The following PRAME variants were observed in gnomAD, a reference collection of about 807,000 sequenced individuals.
The protein encoded by PRAME is PRAME nuclear receptor transcriptional regulator.
A neutral mutation model predicts 32.1 loss-of-function variants in PRAME; 21 were observed. That is an observed-to-expected ratio of 0.65 (90% CI 0.46 to 0.94). PRAME has a LOEUF of 0.94. Ranked by LOEUF, PRAME falls within the 40% of genes least tolerant of loss-of-function variation. The pLI is 0.00. For missense variants in PRAME, 651 were observed against 622.3 expected (o/e 1.05, Z -0.49); for synonymous variants, 274 against 251.5 (o/e 1.09, Z -0.85).
At chr22:22,552,821 TG>T in intron 3 of PRAME, 1 of 470,648 alleles carries the variant, frequency 2.1e-6, no homozygotes, top group South Asian at 1.5e-5. Flanking sequence ...GACCCAGCTG[TG>T]GTGCAGAAGC....
intron 3 of PRAME, chr22:22,553,900 C>T (rs1444399401): frequency 1.0e-6 from 1 of 985,062 alleles, no homozygotes; most frequent in African/African-American, 1.7e-5. Context: ...GCCTTTACCA[C>T]AAACATAATC....
Position 22,556,838 on chromosome 22 carries a change from A to G in PRAME, c.-6T>C, listed in dbSNP as rs766490297. On this transcript the variant is annotated 5_prime_UTR_variant, in exon 3 of 6. Coordinates refer to ENST00000405655, the MANE Select transcript of PRAME (RefSeq NM_206956.3). ...CACAAACGCCTTCGTTCCATTTTGA[A>G]GCGACTTAGGCTGGCCTCAGGACCT... The G allele has an allele frequency of 1.2e-6, 2 of 1,612,848 alleles. No individual in the cohort carries two copies. The highest frequency in any genetic ancestry group is 3.3e-5 in the Admixed American group (2 of 59,990).
rs767164139 is a variant in PRAME, at chr22:22,550,277, A to G, written c.402T>C (p.Thr134=). 1.2e-6 allele frequency: 2 copies of G among 1,613,676 alleles called. No homozygotes were observed. The highest frequency in any genetic ancestry group is 2.2e-5 in the East Asian group (1 of 44,776). The change falls in exon 5 of 6, where the codon ACT becomes ACC. Residue 134 remains threonine (T), a synonymous_variant. Transcript: ENST00000405655. ...LRKNSHQDFW[T]VWSGNRASLY... ...GACTGGCCCTGTTTCCAGACCATAC[A>G]GTCCAGAAGTCCTGATGAGAGTTCT...
rs974794030 is a variant in PRAME, at chr22:22,548,268, G to T, written c.1329C>A (p.Val443=). The T allele has an allele frequency of 1.9e-6, 3 of 1,613,846 alleles. No individual in the cohort carries two copies. The highest frequency in any genetic ancestry group is 4.5e-5 in the East Asian group (2 of 44,786). The change falls in exon 6 of 6, where the codon GTC becomes GTA. Residue 443 remains valine (V), a synonymous_variant. Coordinates refer to ENST00000405655, the MANE Select transcript of PRAME (RefSeq NM_206956.3). ...GGATGTCCTCATAACTCTCCAGGGG[G>T]ACAGGATACAGCACGTGGGTCAGAT... ...LSNLTHVLYP[V]PLESYEDIHG... is the part of the protein sequence containing the mutation.
intron 2 of PRAME, 78 bp from the exon 3 acceptor site, chr22:22,556,987 C>T (rs2062966839): frequency 2.2e-6 from 2 of 929,140 alleles, no homozygotes; most frequent in Non-Finnish European, 1.7e-6. Context: ...CCTGTGAAAA[C>T]CTCCGCAAAT....
At chr22:22,554,589 C>CGAAT (rs745330721) in intron 3 of PRAME, among the ~76,000 whole-genome samples, 2 of 151,936 alleles carry the variant, frequency 1.3e-5, no homozygotes, top group Non-Finnish European at 2.9e-5. Flanking sequence ...AGCTCTCATT[C>CGAAT]ATTACCTCAA....
intron 3 of PRAME, among the ~76,000 whole-genome samples, chr22:22,554,725 G>A (rs2062800296): frequency 6.6e-6 from 1 of 151,928 alleles, no homozygotes; most frequent in South Asian, 2.1e-4. Flanking sequence ...CTTATGTGAG[G>A]AGTTTAGAAA....
chr22:22,550,413 G>A, intron 4 of PRAME, 79 bp from the exon 5 acceptor site: 1 of 1,513,882 alleles, frequency 6.6e-7, no homozygotes, highest in East Asian at 2.3e-5. Context: ...TCATAATGTA[G>A]GTAAGAACCA....
intron 3 of PRAME, among the ~76,000 whole-genome samples, chr22:22,555,561 G>T (rs554842143): frequency 1.3e-5 from 2 of 151,672 alleles, no homozygotes; most frequent in African/African-American, 2.4e-5. Flanking sequence ...TAGAGACAGG[G>T]TCTTACTATG....
Position 22,556,913 on chromosome 22 carries a change from A to G in PRAME, c.-77-4T>C. 2.0e-6 allele frequency: 3 copies of G among 1,531,490 alleles called. No homozygotes were observed. The South Asian group carries it at 3.4e-5, about 17-fold the overall frequency. 94.9% of individuals were successfully genotyped at this position (1,531,490 alleles called of 1,614,324 possible). On this transcript the variant is annotated splice_region_variant and splice_polypyrimidine_tract_variant and intron_variant, in intron 2 of 5. Transcript: ENST00000405655. ...AGTCACTTGTTGCCACGCACGTCTGAGAGTAATAATCAAAATGCTCCAAAA... is the reference window on the plus strand; with the variant it reads ...AGTCACTTGTTGCCACGCACGTCTGGGAGTAATAATCAAAATGCTCCAAAA...
intron 5 of PRAME, among the ~76,000 whole-genome samples, chr22:22,549,456 C>T (rs1251212689): frequency 2.0e-5 from 3 of 151,834 alleles, no homozygotes; most frequent in Non-Finnish European, 2.9e-5. Flanking sequence ...TGCCTAAAGC[C>T]ACCCTTGCCA....
rs1461974234 is a variant in PRAME, at chr22:22,548,443, A to G, written c.1154T>C (p.Phe385Ser). Reference sequence around the variant, plus strand: ...ATCATCCGTGATCCCACACTCATCAAAGACCAGGTCCTGGAGGGTGGCAGA... The same window carrying G: ...ATCATCCGTGATCCCACACTCATCAGAGACCAGGTCCTGGAGGGTGGCAGA... ...RASATLQDLV[F>S]DECGITDDQL... The change falls in exon 6 of 6, where the codon TTT becomes TCT. Residue 385 changes from phenylalanine to serine, a missense_variant. Phe to Ser is a radical substitution (Grantham distance 155). Transcript: ENST00000405655. 1.2e-6 allele frequency: 2 copies of G among 1,613,544 alleles called. No individual in the cohort carries two copies.
At position 22,548,708 on chromosome 22, in the gene PRAME, G is replaced by T. The variant is rs552056269; in HGVS notation, c.954-65C>A. On this transcript the variant is annotated intron_variant, in intron 5 of 5. Coordinates refer to ENST00000405655, the MANE Select transcript of PRAME (RefSeq NM_206956.3). ...TAGTGGGGTGGGGAGACTGGAGAGA[G>T]GCCCATTTCACCAAAACCCAAAGTC... 1.4e-4 allele frequency: 194 copies of T among 1,404,518 alleles called. No individual in the cohort carries two copies. In the African/African-American group the frequency reaches 2.3e-3, roughly 17 times the overall value. The allele number at this position is 1,404,518 out of a possible 1,614,324, so 87.0% of individuals were successfully genotyped here. A position where few individuals can be genotyped will look rare whatever the true frequency, so the allele number is the denominator to read the frequency against.
In PRAME at chr22:22,554,288, G is replaced by C. The variant is rs193011625; in HGVS notation, c.21+2524C>G. On this transcript the variant is annotated intron_variant, in intron 3 of 5. Coordinates refer to ENST00000405655, the MANE Select transcript of PRAME (RefSeq NM_206956.3). Reference sequence around the variant, plus strand: ...TATTCTACTGGCAAGTGTCCAGCTGGAATGTCTTGCGGCCTGACTTTGTTT... The same window carrying C: ...TATTCTACTGGCAAGTGTCCAGCTGCAATGTCTTGCGGCCTGACTTTGTTT... 2.5e-4 allele frequency: 244 copies of C among 975,746 alleles called. 1 individual carries two copies. The highest frequency in any genetic ancestry group is 2.7e-4 in the Non-Finnish European group (223 of 821,480). The allele number at this position is 975,746 out of a possible 1,614,324, so 60.4% of individuals were successfully genotyped here. A position where few individuals can be genotyped will look rare whatever the true frequency, so the allele number is the denominator to read the frequency against.
intron 3 of PRAME, chr22:22,554,095 G>T: frequency 1.1e-6 from 1 of 918,834 alleles, no homozygotes; most frequent in African/African-American, 2.9e-5. Context: ...TACATTTTCC[G>T]TCACAAAAAA....
rs1466812181 is a variant in PRAME at position 22,548,228 on chromosome 22, G to A, written c.1369C>T (p.Leu457=). ...GCATGCAGATAGGCAAGCCTCTCCA[G>A]GTGGAGGGTACCATGGATGTCCTCA... ...SYEDIHGTLH[L]ERLAYLHARL... The change falls in exon 6 of 6, where the codon CTG becomes TTG. Residue 457 remains leucine (L), a synonymous_variant. Coordinates refer to ENST00000405655, the MANE Select transcript of PRAME (RefSeq NM_206956.3). 1.2e-6 allele frequency: 2 copies of A among 1,613,728 alleles called. No individual in the cohort carries two copies. Among genetic ancestry groups the A allele is most frequent in the Non-Finnish European group, 1.7e-6 (2 of 1,179,974 alleles).
At chr22:22,553,104 T>C (rs563647568) in intron 3 of PRAME, among the ~76,000 whole-genome samples, 1 of 152,104 alleles carries the variant, frequency 6.6e-6, no homozygotes, top group Non-Finnish European at 1.5e-5. Context: ...CCAGAGAGTA[T>C]AACTGTTAGG....
At chr22:22,554,633 A>G (rs1192556932) in intron 3 of PRAME, among the ~76,000 whole-genome samples, 2 of 151,850 alleles carry the variant, frequency 1.3e-5, no homozygotes, top group South Asian at 2.1e-4. Context: ...GTTCACTGTC[A>G]TTTTCATTTT....
In PRAME at chr22:22,553,474, T is replaced by C. The variant is rs77657019; in HGVS notation, c.22-2385A>G. Among the ~76,000 whole-genome samples the C allele has an allele frequency of 4.4e-3, 668 of 151,968 alleles. 7 individuals are homozygous for C. Among genetic ancestry groups the C allele is most frequent in the African/African-American group, 0.015 (606 of 41,466 alleles). On this transcript the variant is annotated intron_variant, in intron 3 of 5. Transcript: ENST00000405655. ...GGGGCGGAATTGAAAGACTTTGGCC[T>C]GGATGGAGTAGAGAAATTAAAAAGG... is the stretch of plus-strand genomic sequence containing the variant.
Sources: gnomAD v4.1 joint callset for allele counts (sites outside exome capture counted in the v4.1 genomes callset) on GRCh38, gnomAD v4.1.1 for gene constraint, MANE v1.5 for transcripts, NCBI Gene and HGNC (gene_info 2026-07-23, HGNC 2026-07-21) for gene names.